Variants in ECT2 observed in about 807,000 individuals in gnomAD.
ECT2 encodes the protein protein ECT2.
ECT2 carries 61 observed loss-of-function variants against 116.9 expected under a neutral mutation model. The observed-to-expected ratio is 0.52, with a 90% CI of 0.42 to 0.65. The LOEUF (loss-of-function observed/expected upper bound fraction) is 0.65, where lower values mean the gene tolerates loss of function less well. Among genes scored for constraint, ECT2 ranks in the 30% least tolerant of loss-of-function variants. The probability of loss-of-function intolerance (pLI) is 0.00; values close to 1 mark genes in which losing one functional copy is unlikely to be tolerated. For synonymous variants in ECT2, 358 were observed against 346.4 expected (o/e 1.03, Z -0.37); for missense variants, 937 against 1,078.7 (o/e 0.87, Z 1.84).
intron 2 of ECT2, 108 bp from the exon 3 acceptor site, chr3:172,755,187 T>G (rs1021473069): frequency 1.4e-6 from 1 of 703,710 alleles, no homozygotes. Context: ...AAAGTTATGA[T>G]TCCCTCAAAG....
chr3:172,772,132 T>G (rs1000593660), intron 13 of ECT2, among the ~76,000 whole-genome samples: 79 of 150,886 alleles, frequency 5.2e-4, no homozygotes, highest in African/African-American at 1.8e-3. Context: ...TCCCGAGCAC[T>G]TGGGACTACA....
At chr3:172,793,945 G>GTT in intron 18 of ECT2, among the ~76,000 whole-genome samples, 1 of 151,282 alleles carries the variant, frequency 6.6e-6, no homozygotes, top group Non-Finnish European at 1.5e-5. Context: ...AAAAAATTGT[G>GTT]TTTTTTTTGT....
intron 6 of ECT2, among the ~76,000 whole-genome samples, chr3:172,759,862 A>G (rs60778207): frequency 0.061 from 9,330 of 152,180 alleles, 962 homozygotes; most frequent in African/African-American, 0.21. Context: ...AAACCAATAT[A>G]TTTACACAGT....
chr3:172,759,129 C>G (rs1717699311), intron 6 of ECT2, 60 bp downstream of exon 6: 1 of 1,155,878 alleles, frequency 8.7e-7, no homozygotes, highest in Admixed American at 2.5e-5. Flanking sequence ...TTAAAATTGG[C>G]TTTTTTTTCT....
intron 12 of ECT2, among the ~76,000 whole-genome samples, chr3:172,768,533 A>G (rs1719971449): frequency 6.6e-6 from 1 of 152,214 alleles, no homozygotes. Flanking sequence ...AAATAACTAC[A>G]TTACTTACTA....
intron 18 of ECT2, among the ~76,000 whole-genome samples, chr3:172,792,791 C>T (rs1039542629): frequency 6.6e-6 from 1 of 151,976 alleles, no homozygotes. Flanking sequence ...AATGTTGGCT[C>T]ACTATAACCT....
chr3:172,794,474 C>CA (rs1725255168), intron 18 of ECT2, among the ~76,000 whole-genome samples: 1 of 152,122 alleles, frequency 6.6e-6, no homozygotes, highest in South Asian at 2.1e-4. Flanking sequence ...GTGCTTATGC[C>CA]AGTACCACAC....
intron 18 of ECT2, among the ~76,000 whole-genome samples, chr3:172,791,040 A>G (rs1724564963): frequency 6.6e-6 from 1 of 152,216 alleles, no homozygotes; most frequent in African/African-American, 2.4e-5. Context: ...CTGTAATCCC[A>G]GCTACTTAGT....
chr3:172,784,740 A>T lies in ECT2; in HGVS notation c.1762A>T (p.Ser588Cys). Residue 588 changes from serine to cysteine, a missense_variant, in exon 17 of 25, where the codon AGC (serine) becomes TGC (cysteine). By Grantham distance (112) the Ser-to-Cys change is moderately radical. Transcript: ENST00000392692. Reference sequence around the variant, plus strand: ...AGCAAAACCAGAATGTGGACGGCAGAGCCTTGTTGAACTTCTTATCCGACC... The same window carrying T: ...AGCAAAACCAGAATGTGGACGGCAGTGCCTTGTTGAACTTCTTATCCGACC... ...NQAKPECGRQ[S>C]LVELLIRPVQ... The T allele has an allele frequency of 6.2e-7, 1 of 1,613,648 alleles. No individual in the cohort carries two copies. The highest frequency in any genetic ancestry group is 8.5e-7 in the Non-Finnish European group (1 of 1,179,598).
chr3:172,821,140 A>G lies in ECT2; in HGVS notation c.*903A>G, dbSNP rs920304404. The G allele has an allele frequency of 1.3e-5, 2 of 151,930 alleles. No homozygotes were observed. Among genetic ancestry groups the G allele is most frequent in the African/African-American group, 4.8e-5 (2 of 41,436 alleles). 9.4% of individuals were successfully genotyped at this position (151,930 alleles called of 1,614,324 possible). A position where few individuals can be genotyped will look rare whatever the true frequency, so the allele number is the denominator to read the frequency against. On this transcript the variant is annotated 3_prime_UTR_variant, in exon 25 of 25. Transcript: ENST00000392692. Reference sequence around the variant, plus strand: ...AAATGCATAGATATGCGCATGTTCAACTTTTTATTGTGGTCTTATAATTAA... The same window carrying G: ...AAATGCATAGATATGCGCATGTTCAGCTTTTTATTGTGGTCTTATAATTAA...
chr3:172,806,032 C>G (rs969727751), intron 21 of ECT2, 163 bp downstream of exon 21: 2 of 679,024 alleles, frequency 2.9e-6, no homozygotes. Context: ...ATCTCCATCT[C>G]TAGGAACAGA....
intron 12 of ECT2, among the ~76,000 whole-genome samples, chr3:172,766,381 G>T (rs1376506259): frequency 6.6e-6 from 1 of 152,158 alleles, no homozygotes; most frequent in Non-Finnish European, 1.5e-5. Context: ...TCATCAACAA[G>T]GAATTTTAGA....
intron 24 of ECT2, among the ~76,000 whole-genome samples, chr3:172,819,241 C>G (rs1419372537): frequency 2.0e-5 from 3 of 151,444 alleles, no homozygotes; most frequent in Non-Finnish European, 4.4e-5. Context: ...TTTTTAAATG[C>G]TTCATTTTAC....
chr3:172,808,093 G>A (rs970494463), intron 22 of ECT2, among the ~76,000 whole-genome samples, 169 bp downstream of exon 22: 2 of 152,114 alleles, frequency 1.3e-5, no homozygotes, highest in African/African-American at 4.8e-5. Flanking sequence ...TTTATATAGT[G>A]TAGGTACACA....
intron 18 of ECT2, among the ~76,000 whole-genome samples, chr3:172,801,365 T>C (rs1010699103): frequency 1.3e-5 from 2 of 152,232 alleles, no homozygotes; most frequent in African/African-American, 2.4e-5. Flanking sequence ...TTCCCCACTG[T>C]TGAGGAAAGA....
At chr3:172,778,588 CTTTTTTTT>C (rs5854485) in intron 14 of ECT2, among the ~76,000 whole-genome samples, 5 of 59,808 alleles carry the variant, frequency 8.4e-5, no homozygotes, top group South Asian at 8.1e-4. Flanking sequence ...TATTAGCTAT[CTTTTTTTT>C]TTTTTTTTTT....
At chr3:172,789,336 C>T (rs1724223377) in intron 18 of ECT2, among the ~76,000 whole-genome samples, 2 of 151,490 alleles carry the variant, frequency 1.3e-5, no homozygotes, top group Admixed American at 6.6e-5. Flanking sequence ...CTTGAGTAGC[C>T]GGGATTACAG....
intron 1 of ECT2, among the ~76,000 whole-genome samples, chr3:172,754,135 G>A (rs923258366): frequency 1.8e-4 from 27 of 152,212 alleles, no homozygotes; most frequent in African/African-American, 6.0e-4. Context: ...TTTTTGGCTA[G>A]GATTTTTGTG....
chr3:172,769,219 T>C, intron 13 of ECT2, 76 bp downstream of exon 13: 1 of 1,360,244 alleles, frequency 7.4e-7, no homozygotes, highest in Non-Finnish European at 9.9e-7. Flanking sequence ...ATATTGTTTC[T>C]TACGAGAAAA....
Sources: allele counts gnomAD v4.1 joint callset (sites outside exome capture counted in the v4.1 genomes callset), GRCh38; gene constraint gnomAD v4.1.1; transcripts MANE v1.5; gene names NCBI Gene and HGNC (gene_info 2026-07-23, HGNC 2026-07-21).